ADGRL3: variants seen among roughly 807,000 people sequenced by gnomAD.
ADGRL3 encodes calcium-independent alpha-latrotoxin receptor 3.
ADGRL3 carries 62 observed loss-of-function variants against 153.5 expected under a neutral mutation model. That is an observed-to-expected ratio of 0.40 (90% CI 0.33 to 0.50). The LOEUF (loss-of-function observed/expected upper bound fraction) is 0.50, where lower values mean the gene tolerates loss of function less well. Among genes scored for constraint, ADGRL3 ranks in the 20% least tolerant of loss-of-function variants. The pLI, the probability that ADGRL3 is intolerant of heterozygous loss-of-function variation, is 0.47. For synonymous variants in ADGRL3, 710 were observed against 672.5 expected (o/e 1.06, Z -0.86); for missense variants, 1,641 against 1,859.4 (o/e 0.88, Z 2.16).
chr4:61,832,833 G>T (rs772442066), intron 9 of ADGRL3, among the ~76,000 whole-genome samples: 13 of 141,710 alleles, frequency 9.2e-5, no homozygotes, highest in Non-Finnish European at 1.4e-4. Context: ...TTTTTTAAGA[G>T]AAGGGGTCTA....
intron 23 of ADGRL3, among the ~76,000 whole-genome samples, chr4:62,037,278 T>A (rs1229612246): frequency 6.6e-6 from 1 of 152,106 alleles, no homozygotes; most frequent in Non-Finnish European, 1.5e-5. Flanking sequence ...TCTCTTTCTC[T>A]CTCCCCCACT....
chr4:61,719,549 T>C (rs1172082622), intron 6 of ADGRL3, among the ~76,000 whole-genome samples: 1 of 152,002 alleles, frequency 6.6e-6, no homozygotes, highest in Non-Finnish European at 1.5e-5. Context: ...TGTACCACTT[T>C]CTTCTTGGCA....
intron 5 of ADGRL3, among the ~76,000 whole-genome samples, chr4:61,667,476 A>G (rs949422779): frequency 6.6e-6 from 1 of 152,184 alleles, no homozygotes. Context: ...ATTTCAGTCC[A>G]TCAACATGAG....
At chr4:61,937,269 G>A (rs1003014075) in intron 15 of ADGRL3, among the ~76,000 whole-genome samples, 1 of 152,000 alleles carries the variant, frequency 6.6e-6, no homozygotes, top group Non-Finnish European at 1.5e-5. Context: ...CATGCTACCT[G>A]GTCCACTTCC....
intron 1 of ADGRL3, among the ~76,000 whole-genome samples, chr4:61,330,144 G>A (rs1404275969): frequency 6.6e-6 from 1 of 152,120 alleles, no homozygotes; most frequent in Non-Finnish European, 1.5e-5. Flanking sequence ...CCAATTTCAA[G>A]GACAGACGTA....
At chr4:61,478,966 A>G (rs549045319) in intron 2 of ADGRL3, among the ~76,000 whole-genome samples, 2 of 152,220 alleles carry the variant, frequency 1.3e-5, no homozygotes, top group Non-Finnish European at 2.9e-5. Context: ...AATGTGGGTC[A>G]TATAGAAAAT....
At chr4:61,421,032 C>G (rs372273023) in intron 2 of ADGRL3, among the ~76,000 whole-genome samples, 1 of 151,932 alleles carries the variant, frequency 6.6e-6, no homozygotes, top group Admixed American at 6.5e-5. Context: ...AAATGCTGGC[C>G]GGGCACAGTG....
At chr4:61,902,315 A>G (rs916156072) in intron 11 of ADGRL3, among the ~76,000 whole-genome samples, 29 of 152,028 alleles carry the variant, frequency 1.9e-4, no homozygotes, top group African/African-American at 7.2e-5. Context: ...GTCAGACACT[A>G]GTCCTGTCAG....
intron 6 of ADGRL3, among the ~76,000 whole-genome samples, chr4:61,691,837 A>G (rs1024722908): frequency 1.2e-4 from 18 of 152,128 alleles, no homozygotes; most frequent in African/African-American, 4.1e-4. Context: ...AGATCCTTTT[A>G]GTAGACTGTA....
intron 24 of ADGRL3, 60 bp from the exon 25 acceptor site, chr4:62,044,393 T>G: frequency 9.3e-7 from 1 of 1,079,302 alleles, no homozygotes; most frequent in Non-Finnish European, 1.4e-6. Context: ...AAAAGAATGA[T>G]TTGTGTGAAA....
intron 3 of ADGRL3, among the ~76,000 whole-genome samples, chr4:61,504,109 C>G (rs1423417558): frequency 6.6e-6 from 1 of 152,178 alleles, no homozygotes; most frequent in Non-Finnish European, 1.5e-5. Context: ...CCTCCCACCT[C>G]AGCCTCCCAA....
In ADGRL3 at chr4:61,494,697, A is replaced by G. The variant is rs527790587; in HGVS notation, c.-173-2424A>G. 1.3e-3 allele frequency among the ~76,000 whole-genome samples: 202 copies of G among 152,230 alleles called. 3 individuals carry two copies. Among genetic ancestry groups the G allele is most frequent in the South Asian group, 4.6e-3 (22 of 4,826 alleles). On this transcript the variant is annotated intron_variant, in intron 2 of 26. Transcript: ENST00000683033. ...CAACCAAATATTTCGTTTCTTGTCA[A>G]TGCTTTCTCTATTTGTAAAGGTAAA... is the stretch of plus-strand genomic sequence containing the variant.
At chr4:61,230,016 C>A (rs1278729494) in intron 1 of ADGRL3, among the ~76,000 whole-genome samples, 2 of 151,836 alleles carry the variant, frequency 1.3e-5, no homozygotes, top group Non-Finnish European at 2.9e-5. Context: ...GTGTTTGTAA[C>A]CATAAGTACT....
At chr4:61,869,960 A>AAAAG (rs1554051477) in intron 9 of ADGRL3, among the ~76,000 whole-genome samples, 4 of 101,864 alleles carry the variant, frequency 3.9e-5, no homozygotes, top group Admixed American at 1.1e-4. Flanking sequence ...AAAAAAAAAA[A>AAAAG]AGAGAGAGAG....
chr4:61,842,042 A>C (rs1474646781), intron 9 of ADGRL3, among the ~76,000 whole-genome samples: 1 of 152,200 alleles, frequency 6.6e-6, no homozygotes, highest in Non-Finnish European at 1.5e-5. Context: ...CAAACTCTCA[A>C]AGCCTAATTT....
chr4:61,254,009 A>T (rs767267488), intron 1 of ADGRL3, among the ~76,000 whole-genome samples: 2 of 152,204 alleles, frequency 1.3e-5, no homozygotes, highest in African/African-American at 2.4e-5. Context: ...GAGTGTATAC[A>T]TCTTTATCAA....
chr4:61,451,433 C>T (rs1349217136), intron 2 of ADGRL3, among the ~76,000 whole-genome samples: 16 of 152,102 alleles, frequency 1.1e-4, no homozygotes. Flanking sequence ...GCTGTACAAC[C>T]AACCACTGTG....
intron 25 of ADGRL3, among the ~76,000 whole-genome samples, chr4:62,061,842 G>A (rs184001329): frequency 6.6e-6 from 1 of 151,988 alleles, no homozygotes; most frequent in Non-Finnish European, 1.5e-5. Context: ...GAATACTACA[G>A]ATTGTTTGAC....
intron 2 of ADGRL3, among the ~76,000 whole-genome samples, chr4:61,459,238 G>T (rs1578983540): frequency 6.6e-6 from 1 of 151,594 alleles, no homozygotes; most frequent in East Asian, 1.9e-4. Flanking sequence ...TTGGTGTTTG[G>T]TTTATAAATA....
Sources: allele counts gnomAD v4.1 joint callset (sites outside exome capture counted in the v4.1 genomes callset), GRCh38; gene constraint gnomAD v4.1.1; transcripts MANE v1.5; gene names NCBI Gene and HGNC (gene_info 2026-07-23, HGNC 2026-07-21).